The following GUCY1A2 variants were observed in gnomAD, a reference collection of about 807,000 sequenced individuals.
The protein encoded by GUCY1A2 is guanylate cyclase 1 soluble subunit alpha 2, also known as guanylate cyclase soluble subunit alpha-2.
Under a neutral mutation model 63.5 loss-of-function variants are expected in GUCY1A2, and 27 were observed. The ratio of observed to expected loss-of-function variants is 0.43; its 90% CI spans 0.31 to 0.59. The LOEUF is 0.59. Among genes scored for constraint, GUCY1A2 ranks in the 20% least tolerant of loss-of-function variants. The probability of loss-of-function intolerance (pLI) is 0.11; values close to 1 mark genes in which losing one functional copy is unlikely to be tolerated. For synonymous variants in GUCY1A2, 364 were observed against 343.5 expected (o/e 1.06, Z -0.66); for missense variants, 768 against 913.3 (o/e 0.84, Z 2.05).
chr11:106,851,621 G>GT (rs1859356393), intron 4 of GUCY1A2, among the ~76,000 whole-genome samples: 1 of 151,834 alleles, frequency 6.6e-6, no homozygotes, highest in South Asian at 2.1e-4. Flanking sequence ...TTTACCCAAT[G>GT]TATGTTCTTG....
intron 4 of GUCY1A2, among the ~76,000 whole-genome samples, chr11:106,896,600 T>C (rs949674601): frequency 2.6e-5 from 4 of 152,180 alleles, no homozygotes; most frequent in African/African-American, 9.7e-5. Flanking sequence ...TCCACTCTCA[T>C]GAATGGGATT....
intron 3 of GUCY1A2, among the ~76,000 whole-genome samples, chr11:106,957,855 CTTTTTTTTTTTTTT>C (rs59519013): frequency 4.8e-4 from 42 of 87,258 alleles, no homozygotes; most frequent in African/African-American, 1.9e-3. Flanking sequence ...AAGGGACAAA[CTTTTTTTTTTTTTT>C]TTTTTTTTTT....
intron 4 of GUCY1A2, among the ~76,000 whole-genome samples, chr11:106,839,604 C>A (rs1859167871): frequency 6.6e-6 from 1 of 151,862 alleles, no homozygotes; most frequent in Non-Finnish European, 1.5e-5. Context: ...GACTTGGAAC[C>A]AACCCAAATG....
intron 6 of GUCY1A2, among the ~76,000 whole-genome samples, chr11:106,753,839 CTCT>C (rs1863925982): frequency 6.6e-6 from 1 of 152,114 alleles, no homozygotes; most frequent in African/African-American, 2.4e-5. Flanking sequence ...GAAATGTGGG[CTCT>C]TTTTTGGTTC....
intron 5 of GUCY1A2, among the ~76,000 whole-genome samples, chr11:106,799,971 A>G (rs1019506539): frequency 6.6e-6 from 1 of 152,192 alleles, no homozygotes; most frequent in African/African-American, 2.4e-5. Context: ...AAAATGGGAG[A>G]AAATTTTTGC....
intron 4 of GUCY1A2, among the ~76,000 whole-genome samples, chr11:106,863,236 T>C (rs938962495): frequency 1.1e-4 from 17 of 152,162 alleles, no homozygotes; most frequent in Non-Finnish European, 2.5e-4. Flanking sequence ...CTGAACGGTA[T>C]TGCCTAGGTT....
In GUCY1A2 at chr11:106,958,915, T is replaced by C. The variant is rs187443653; in HGVS notation, c.488-18737A>G. 1.4e-4 allele frequency among the ~76,000 whole-genome samples: 21 copies of C among 152,322 alleles called. No individual in the cohort carries two copies. The East Asian group carries it at 4.0e-3, about 29-fold the overall frequency. On this transcript the variant is annotated intron_variant, in intron 3 of 7. Transcript: ENST00000526355. ...TTCACATTTTTCATGCCCAATTCCA[T>C]TTTGATCATGAATATATAAAATGTT...
intron 4 of GUCY1A2, among the ~76,000 whole-genome samples, chr11:106,876,208 A>G (rs558209323): frequency 2.0e-5 from 3 of 152,230 alleles, no homozygotes; most frequent in Admixed American, 2.0e-4. Context: ...ACAAGAACAC[A>G]TAAGATTTCT....
In GUCY1A2 at chr11:106,868,339, T is replaced by C. The variant is rs552779306; in HGVS notation, c.1207-57861A>G. 3.3e-5 allele frequency among the ~76,000 whole-genome samples: 5 copies of C among 152,008 alleles called. No homozygotes were observed. In the East Asian group the frequency reaches 9.7e-4, roughly 30 times the overall value. On this transcript the variant is annotated intron_variant, in intron 4 of 7. Coordinates refer to ENST00000526355, the MANE Select transcript of GUCY1A2 (RefSeq NM_000855.3). ...TTGTCCCTGTTTGCAGATGACTTGA[T>C]TGTATATCTGGAAAACCCCATCGTC... is the stretch of plus-strand genomic sequence containing the variant.
chr11:107,001,144 A>G (rs12293371), intron 1 of GUCY1A2, among the ~76,000 whole-genome samples: 8,456 of 152,254 alleles, frequency 0.056, 707 homozygotes, highest in African/African-American at 0.19. Context: ...GAAAGATAAA[A>G]TCTTTCTGAA....
rs554918200 is a variant in GUCY1A2, at chr11:106,826,720, G to A, written c.1207-16242C>T. ...GTCAATAGAGTCTCCTGAACTCGCT[G>A]CAGCCATGCACTTTGCTGCATACCA... On this transcript the variant is annotated intron_variant, in intron 4 of 7. Coordinates refer to ENST00000526355, the MANE Select transcript of GUCY1A2 (RefSeq NM_000855.3). 5.5e-5 allele frequency: 89 copies of A among 1,610,562 alleles called. No individual in the cohort carries two copies. The South Asian group carries it at 9.3e-4, about 17-fold the overall frequency.
chr11:106,852,982 GCTGTCAGACTT>G (rs1859376958), intron 4 of GUCY1A2, among the ~76,000 whole-genome samples: 1 of 152,042 alleles, frequency 6.6e-6, no homozygotes, highest in Non-Finnish European at 1.5e-5. Context: ...TTTCTCTTGG[GCTGTCAGACTT>G]CTGTTGGAAA....
Position 106,687,491 on chromosome 11 carries a change from T to A in GUCY1A2, c.*58A>T. 1 of 1,249,854 alleles carries A rather than the reference T, an allele frequency of 8.0e-7. No individual in the cohort carries two copies. The highest frequency in any genetic ancestry group is 1.2e-5 in the South Asian group (1 of 82,880). 77.4% of individuals were successfully genotyped at this position (1,249,854 alleles called of 1,614,324 possible). On this transcript the variant is annotated 3_prime_UTR_variant, in exon 8 of 8. Transcript: ENST00000526355. ...GACACAATCTCTTTCCACCCCCCATTGGTGACCCATGTTCTGGGCTTGTGC... is the reference window on the plus strand; with the variant it reads ...GACACAATCTCTTTCCACCCCCCATAGGTGACCCATGTTCTGGGCTTGTGC...
At chr11:106,795,371 G>A (rs1864737075) in intron 5 of GUCY1A2, among the ~76,000 whole-genome samples, 1 of 152,136 alleles carries the variant, frequency 6.6e-6, no homozygotes, top group African/African-American at 2.4e-5. Flanking sequence ...AATTTGGTAA[G>A]GGAAAAAGAG....
At chr11:106,700,874 T>A (rs1157420072) in intron 7 of GUCY1A2, among the ~76,000 whole-genome samples, 1 of 152,046 alleles carries the variant, frequency 6.6e-6, no homozygotes, top group Non-Finnish European at 1.5e-5. Context: ...TTCCCCACAT[T>A]AAGCGTCCAT....
chr11:106,836,040 T>C (rs2135439922), intron 4 of GUCY1A2, among the ~76,000 whole-genome samples: 1 of 152,092 alleles, frequency 6.6e-6, no homozygotes. Context: ...TTCTTTGTAT[T>C]GAGTGAGTTT....
At chr11:106,785,833 T>C (rs1864545322) in intron 5 of GUCY1A2, among the ~76,000 whole-genome samples, 1 of 151,726 alleles carries the variant, frequency 6.6e-6, no homozygotes, top group African/African-American at 2.4e-5. Flanking sequence ...CTTCTGTATA[T>C]GAAGTGAGTT....
chr11:106,759,284 T>A (rs1012632165), intron 6 of GUCY1A2, among the ~76,000 whole-genome samples: 10 of 152,204 alleles, frequency 6.6e-5, no homozygotes, highest in Non-Finnish European at 1.5e-4. Flanking sequence ...GGGTATTTTA[T>A]TACCATGATT....
intron 6 of GUCY1A2, among the ~76,000 whole-genome samples, chr11:106,758,637 C>T (rs1864014107): frequency 6.6e-6 from 1 of 152,164 alleles, no homozygotes; most frequent in Non-Finnish European, 1.5e-5. Context: ...ATCTTGAAAG[C>T]TCACCAGAAT....
Sources: allele counts gnomAD v4.1 joint callset (sites outside exome capture counted in the v4.1 genomes callset), GRCh38; gene constraint gnomAD v4.1.1; transcripts MANE v1.5; gene names NCBI Gene and HGNC (gene_info 2026-07-23, HGNC 2026-07-21).